The following MYOM1 variants were observed in gnomAD, a reference collection of about 807,000 sequenced individuals.
MYOM1 encodes the protein myomesin 1, also known as myomesin-1.
In MYOM1, 164 loss-of-function variants were observed where a neutral mutation model predicts 205.3. The ratio of observed to expected loss-of-function variants is 0.80; its 90% confidence interval spans 0.70 to 0.91. MYOM1 has a LOEUF of 0.91. Among genes scored for constraint, MYOM1 ranks in the 40% least tolerant of loss-of-function variants. MYOM1 has a pLI of 0.00. For synonymous variants in MYOM1, 772 were observed against 789.4 expected (o/e 0.98, Z 0.37); for missense variants, 2,011 against 2,127.3 (o/e 0.95, Z 1.08).
chr18:3,157,308 GCATTCATTCTCT>G lies in MYOM1; in HGVS notation c.1502-2232_1502-2221del, dbSNP rs913600357. 2.9e-4 allele frequency among the ~76,000 whole-genome samples: 44 copies of G among 152,224 alleles called. No individual in the cohort carries two copies. In the East Asian group the frequency reaches 2.9e-3, roughly 10 times the overall value. Reference sequence around the variant, plus strand: ...CTTGACAATCTTCCAAGTTACTCAGGCATTCATTCTCTCATTCATTCTCTCATTCATTCATTC... The same window carrying G: ...CTTGACAATCTTCCAAGTTACTCAGGCATTCATTCTCTCATTCATTCATTC... On this transcript the variant is annotated intron_variant, in intron 10 of 37. Coordinates refer to ENST00000356443, the MANE Select transcript of MYOM1 (RefSeq NM_003803.4).
intron 37 of MYOM1, among the ~76,000 whole-genome samples, chr18:3,067,823 G>A (rs1303040203): frequency 6.6e-6 from 1 of 152,110 alleles, no homozygotes; most frequent in African/African-American, 2.4e-5. Flanking sequence ...AAAAACACAC[G>A]AAAGAGTTTA....
intron 19 of MYOM1, 27 bp downstream of exon 19, chr18:3,126,674 C>A: frequency 6.3e-7 from 1 of 1,595,466 alleles, no homozygotes; most frequent in Non-Finnish European, 8.5e-7. Flanking sequence ...ATAGGACACG[C>A]CACACTACAG....
In MYOM1 at chr18:3,102,569, A is replaced by AGGAG; in HGVS notation, c.3479_3480insCTCC (p.Asp1161SerfsTer2). 1 of 1,613,874 alleles carries AGGAG rather than the reference A, an allele frequency of 6.2e-7. No homozygotes were observed. The highest frequency in any genetic ancestry group is 8.5e-7 in the Non-Finnish European group (1 of 1,179,806). On this transcript the variant is annotated frameshift_variant, in exon 23 of 38. Coordinates refer to ENST00000356443, the MANE Select transcript of MYOM1 (RefSeq NM_003803.4). LOFTEE classifies it high-confidence loss of function. ...ACTCGGACTTTGGAGTCATCTTATC[A>AGGAG]CACTCGAAGTTCAATGAAATGACTC...
chr18:3,110,370 G>A (rs1004953122), intron 22 of MYOM1, among the ~76,000 whole-genome samples: 1 of 152,106 alleles, frequency 6.6e-6, no homozygotes, highest in Admixed American at 6.6e-5. Flanking sequence ...TGACCATTCA[G>A]CCTCATGCCC....
intron 31 of MYOM1, 131 bp downstream of exon 31, chr18:3,084,914 T>C: frequency 1.5e-6 from 1 of 661,216 alleles, no homozygotes. Context: ...TCTGTTGGAA[T>C]TTCAATTAAG....
At position 3,080,776 on chromosome 18, in the gene MYOM1, T is replaced by G. The variant is rs369013913; in HGVS notation, c.4485-1434A>C. On this transcript the variant is annotated intron_variant, in intron 33 of 37. Coordinates refer to ENST00000356443, the MANE Select transcript of MYOM1 (RefSeq NM_003803.4). ...ATAACATTATTTATCTAAAAAGATA[T>G]TAAAAATAAAGATGCCATAAAATGT... Among the ~76,000 whole-genome samples the G allele has an allele frequency of 3.3e-5, 5 of 152,194 alleles. No homozygotes were observed. The South Asian group carries it at 1.0e-3, about 32-fold the overall frequency.
chr18:3,235,088 T>C, the MYOM1 span, among the ~76,000 whole-genome samples: 4 of 152,098 alleles, frequency 2.6e-5, no homozygotes, highest in African/African-American at 9.7e-5. Context: ...TTTTCCATCA[T>C]TCTCACTTTA....
chr18:3,222,033 A>G (rs1478846814), upstream of MYOM1, among the ~76,000 whole-genome samples: 1 of 152,228 alleles, frequency 6.6e-6, no homozygotes, highest in Non-Finnish European at 1.5e-5. Context: ...AAGAGGAAAA[A>G]TAAACTTATA....
intron 29 of MYOM1, among the ~76,000 whole-genome samples, chr18:3,086,513 G>A (rs1324010463): frequency 6.6e-6 from 1 of 152,118 alleles, no homozygotes. Flanking sequence ...TAAAATACAG[G>A]CTGTGTTACA....
At chr18:3,074,246 T>G (rs1328364706) in intron 36 of MYOM1, among the ~76,000 whole-genome samples, 1 of 152,128 alleles carries the variant, frequency 6.6e-6, no homozygotes, top group African/African-American at 2.4e-5. Context: ...CCTCTGTCCC[T>G]TACCCCCAGC....
intron 27 of MYOM1, among the ~76,000 whole-genome samples, chr18:3,090,347 G>A (rs1030988743): frequency 6.6e-6 from 1 of 150,604 alleles, no homozygotes; most frequent in Non-Finnish European, 1.5e-5. Flanking sequence ...AGCCTCCCAA[G>A]TAGCTGGGAC....
In MYOM1 at chr18:3,067,538, G is replaced by T. The variant is rs1487164125; in HGVS notation, c.4782C>A (p.Cys1594Ter). Residue 1594 changes from cysteine to a stop codon, truncating the protein, a stop_gained, in exon 38 of 38, where the codon TGC becomes TGA. Coordinates refer to ENST00000356443, the MANE Select transcript of MYOM1 (RefSeq NM_003803.4). LOFTEE classifies it low-confidence loss of function (END_TRUNC). Reference sequence around the variant, plus strand: ...CCGGAGGCGGGTCTCCCCACACGTTGCAAGTGAGATTAAGGGCCTGCAAGA... The same window carrying T: ...CCGGAGGCGGGTCTCCCCACACGTTTCAAGTGAGATTAAGGGCCTGCAAGA... ...IQEGKALNLTCNVWGDPPPEV... is the reference protein window; with the variant it reads ...IQEGKALNLT The T allele has an allele frequency of 1.9e-6, 3 of 1,613,370 alleles. No individual in the cohort carries two copies. The highest frequency in any genetic ancestry group is 1.7e-6 in the Non-Finnish European group (2 of 1,179,498).
At chr18:3,178,488 G>T (rs1264282224) in intron 5 of MYOM1, among the ~76,000 whole-genome samples, 1 of 152,162 alleles carries the variant, frequency 6.6e-6, no homozygotes, top group Non-Finnish European at 1.5e-5. Context: ...AGGAGGTTTG[G>T]GAGTAGGGAA....
At chr18:3,193,358 A>G (rs1042970056) in intron 3 of MYOM1, among the ~76,000 whole-genome samples, 3 of 120,440 alleles carry the variant, frequency 2.5e-5, no homozygotes, top group African/African-American at 1.1e-4. Context: ...ATATATATAT[A>G]TATACACACA....
chr18:3,193,355 T>C lies in MYOM1; in HGVS notation c.431+463A>G, dbSNP rs925044701. Among the ~76,000 whole-genome samples the C allele has an allele frequency of 2.3e-3, 230 of 99,784 alleles. 1 individual carries two copies. Among genetic ancestry groups the C allele is most frequent in the African/African-American group, 5.5e-3 (159 of 28,688 alleles). 65.5% of individuals were successfully genotyped at this position (99,784 alleles called of 152,430 possible). A position where few individuals can be genotyped will look rare whatever the true frequency, so the allele number is the denominator to read the frequency against. On this transcript the variant is annotated intron_variant, in intron 3 of 37. Transcript: ENST00000356443. ...ATATATATGTACATATACATATATATATATATACACACACACACACACACA... is the reference window on the plus strand; with the variant it reads ...ATATATATGTACATATACATATATACATATATACACACACACACACACACA...
At chr18:3,132,743 C>G (rs985110064) in intron 16 of MYOM1, among the ~76,000 whole-genome samples, 22 of 152,012 alleles carry the variant, frequency 1.4e-4, no homozygotes, top group African/African-American at 5.3e-4. Flanking sequence ...ACAATGGATT[C>G]TAGAATTACC....
chr18:3,089,503 A>G, intron 28 of MYOM1, 34 bp downstream of exon 28: 2 of 1,540,388 alleles, frequency 1.3e-6, no homozygotes, highest in Non-Finnish European at 1.8e-6. Context: ...CAAAAAAATT[A>G]AAAATTTTCT....
At chr18:3,186,189 C>G (rs917801174) in intron 5 of MYOM1, among the ~76,000 whole-genome samples, 1 of 151,352 alleles carries the variant, frequency 6.6e-6, no homozygotes. Flanking sequence ...AGGCGGGACT[C>G]TGTCTCAAAA....
intron 16 of MYOM1, among the ~76,000 whole-genome samples, chr18:3,133,259 C>G (rs190370533): frequency 2.2e-4 from 34 of 152,240 alleles, no homozygotes; most frequent in African/African-American, 8.2e-4. Context: ...CTCTCACGTT[C>G]CGCAAAACCA....
Sources: allele counts gnomAD v4.1 joint callset (sites outside exome capture counted in the v4.1 genomes callset), GRCh38; gene constraint gnomAD v4.1.1; transcripts MANE v1.5; gene names NCBI Gene and HGNC (gene_info 2026-07-23, HGNC 2026-07-21).